ANO4: variants seen among roughly 807,000 people sequenced by gnomAD.
ANO4 encodes anoctamin-4.
A neutral mutation model predicts 141.9 loss-of-function variants in ANO4; 69 were observed. The observed-to-expected ratio is 0.49, with a 90% confidence interval of 0.40 to 0.59. The LOEUF (loss-of-function observed/expected upper bound fraction) is 0.59, where lower values mean the gene tolerates loss of function less well. Ranked by LOEUF, ANO4 falls within the 20% of genes least tolerant of loss-of-function variation. The pLI, the probability that ANO4 is intolerant of heterozygous loss-of-function variation, is 0.00. For synonymous variants in ANO4, 350 were observed against 394.3 expected (o/e 0.89, Z 1.33); for missense variants, 894 against 1,162.2 (o/e 0.77, Z 3.36).
intron 1 of ANO4, among the ~76,000 whole-genome samples, chr12:100,887,195 A>G (rs1037353787): frequency 6.6e-6 from 1 of 152,214 alleles, no homozygotes; most frequent in Non-Finnish European, 1.5e-5. Context: ...TTTGACTGCC[A>G]AGATAAGCTG....
chr12:101,054,547 T>C (rs2048019870), intron 14 of ANO4, among the ~76,000 whole-genome samples: 1 of 152,254 alleles, frequency 6.6e-6, no homozygotes, highest in Non-Finnish European at 1.5e-5. Context: ...TCCCCCAGGC[T>C]GGAGTGCAGT....
At chr12:100,782,001 T>G (rs1374946671) in intron 3 of ANO4, among the ~76,000 whole-genome samples, 1 of 152,216 alleles carries the variant, frequency 6.6e-6, no homozygotes, top group Admixed American at 6.5e-5. Context: ...TGGAAACTGT[T>G]CATCAGCTTT....
At chr12:100,948,150 CAAAAAAAAAAAAA>C (rs58889801) in intron 5 of ANO4, among the ~76,000 whole-genome samples, 3 of 83,332 alleles carry the variant, frequency 3.6e-5, no homozygotes, top group Middle Eastern at 5.6e-3. Context: ...GACTTCGTCT[CAAAAAAAAAAAAA>C]AAAAAAAAAA....
At chr12:100,915,012 G>T (rs377027959) in intron 2 of ANO4, among the ~76,000 whole-genome samples, 2 of 152,066 alleles carry the variant, frequency 1.3e-5, no homozygotes, top group South Asian at 4.2e-4. Context: ...TAGAGATGGA[G>T]GTCTTGCTAT....
intron 1 of ANO4, 97 bp downstream of exon 1, chr12:100,795,124 A>G (rs1328749791): frequency 6.6e-6 from 1 of 152,618 alleles, no homozygotes; most frequent in Non-Finnish European, 1.5e-5. Flanking sequence ...TTCCTTCTGC[A>G]TTTCCTCTGT....
intron 3 of ANO4, among the ~76,000 whole-genome samples, chr12:100,927,203 A>G (rs905812738): frequency 6.6e-6 from 1 of 152,140 alleles, no homozygotes; most frequent in Non-Finnish European, 1.5e-5. Context: ...ACCTTTGCAC[A>G]GTTCTGGATA....
intron 8 of ANO4, among the ~76,000 whole-genome samples, chr12:101,001,682 C>T (rs1005481147): frequency 1.1e-4 from 16 of 152,018 alleles, no homozygotes; most frequent in South Asian, 1.0e-3. Flanking sequence ...AAATGGAACA[C>T]GGAGGAGTAA....
chr12:101,042,272 T>A (rs949963773), intron 11 of ANO4, 62 bp from the exon 12 acceptor site: 12 of 1,594,384 alleles, frequency 7.5e-6, no homozygotes, highest in Admixed American at 1.7e-5. Context: ...CTATACGAAG[T>A]TTCATAATGC....
chr12:100,974,691 C>T (rs1282636728), intron 6 of ANO4, 154 bp from the exon 7 acceptor site: 1 of 806,776 alleles, frequency 1.2e-6, no homozygotes, highest in Non-Finnish European at 2.2e-6. Context: ...CCCTGTGTTC[C>T]CACTGTATTT....
chr12:100,720,337 A>G (rs2030807379), intron 1 of ANO4, among the ~76,000 whole-genome samples: 1 of 152,108 alleles, frequency 6.6e-6, no homozygotes, highest in Non-Finnish European at 1.5e-5. Flanking sequence ...GAGAAACTTA[A>G]GCAGAGAACT....
chr12:100,785,846 T>C (rs1368235597), intron 3 of ANO4, among the ~76,000 whole-genome samples: 1 of 152,164 alleles, frequency 6.6e-6, no homozygotes, highest in Non-Finnish European at 1.5e-5. Flanking sequence ...GGCTGTACCA[T>C]TTTGCATTCC....
chr12:100,993,422 C>T (rs1025916325), intron 8 of ANO4, among the ~76,000 whole-genome samples: 4 of 152,090 alleles, frequency 2.6e-5, no homozygotes, highest in Admixed American at 2.0e-4. Flanking sequence ...TTATTATTAT[C>T]ACCAATTTAC....
chr12:100,882,539 T>C (rs1224888136), intron 1 of ANO4, among the ~76,000 whole-genome samples: 1 of 152,174 alleles, frequency 6.6e-6, no homozygotes, highest in Non-Finnish European at 1.5e-5. Context: ...CCTGAGTTCA[T>C]ATTTTTAACG....
At chr12:100,762,821 T>C (rs1256455025) in intron 3 of ANO4, among the ~76,000 whole-genome samples, 3 of 152,172 alleles carry the variant, frequency 2.0e-5, no homozygotes, top group African/African-American at 7.2e-5. Context: ...TAGAATGCAG[T>C]TTCCATGTGG....
In ANO4 at chr12:100,815,143, C is replaced by T. The variant is rs533638489; in HGVS notation, c.-141+20116C>T. On this transcript the variant is annotated intron_variant, in intron 1 of 27. Coordinates refer to ENST00000392977, the MANE Select transcript of ANO4 (RefSeq NM_001286615.2). ...ATCAGTTACCTAACTATTCTGGATACGTAAGAATGTAGTGCTTAGAGATTA... is the reference window on the plus strand; with the variant it reads ...ATCAGTTACCTAACTATTCTGGATATGTAAGAATGTAGTGCTTAGAGATTA... Among the ~76,000 whole-genome samples the T allele has an allele frequency of 2.0e-4, 31 of 152,126 alleles. No homozygotes were observed. The South Asian group carries it at 3.7e-3, about 18-fold the overall frequency.
intron 14 of ANO4, among the ~76,000 whole-genome samples, chr12:101,054,000 C>T (rs1332106761): frequency 2.0e-5 from 3 of 152,178 alleles, no homozygotes; most frequent in Admixed American, 6.5e-5. Context: ...GGCAGGCAGG[C>T]CCCTTAGAAG....
At chr12:101,104,625 GTGTATATA>G (rs1293925111) in intron 22 of ANO4, among the ~76,000 whole-genome samples, 1 of 52,812 alleles carries the variant, frequency 1.9e-5, no homozygotes, top group Admixed American at 2.0e-4. Flanking sequence ...GTATGTATGT[GTGTATATA>G]TATATATATA....
chr12:101,103,012 G>A (rs1431451340), intron 22 of ANO4, among the ~76,000 whole-genome samples: 37 of 150,924 alleles, frequency 2.5e-4, no homozygotes, highest in Non-Finnish European at 5.9e-5. Context: ...CTAATGTTTT[G>A]TTACTAATAA....
Position 100,834,608 on chromosome 12 carries a change from A to C in ANO4, c.-141+39581A>C, listed in dbSNP as rs117248779. Among the ~76,000 whole-genome samples, 149 of 152,248 alleles carry C rather than the reference A, an allele frequency of 9.8e-4. 3 individuals are homozygous for C. In the East Asian group the frequency reaches 0.023, roughly 24 times the overall value. Reference sequence around the variant, plus strand: ...TGTATATAGCAGTGTATACATAAACATTCCTGTCTTCCTGGAGCTTGTATT... The same window carrying C: ...TGTATATAGCAGTGTATACATAAACCTTCCTGTCTTCCTGGAGCTTGTATT... On this transcript the variant is annotated intron_variant, in intron 1 of 27. Coordinates refer to ENST00000392977, the MANE Select transcript of ANO4 (RefSeq NM_001286615.2).
Sources: gnomAD v4.1 joint callset for allele counts (sites outside exome capture counted in the v4.1 genomes callset) on GRCh38, gnomAD v4.1.1 for gene constraint, MANE v1.5 for transcripts, NCBI Gene and HGNC (gene_info 2026-07-23, HGNC 2026-07-21) for gene names.